Variants in MACROD2 observed in about 807,000 individuals in gnomAD.
The protein encoded by MACROD2 is ADP-ribose glycohydrolase MACROD2.
MACROD2 carries 36 observed loss-of-function variants against 70.4 expected under a neutral mutation model. The ratio of observed to expected loss-of-function variants is 0.51; its 90% CI spans 0.39 to 0.68. The LOEUF (loss-of-function observed/expected upper bound fraction) is 0.68, where lower values mean the gene tolerates loss of function less well. Among genes scored for constraint, MACROD2 ranks in the 30% least tolerant of loss-of-function variants. The pLI is 0.00. For missense variants in MACROD2, 496 were observed against 538.4 expected, an observed-to-expected ratio of 0.92 and a Z score of 0.78; for synonymous variants, 172 against 178.8, an observed-to-expected ratio of 0.96 and a Z score of 0.30.
chr20:14,015,429 C>A (rs778732491), intron 2 of MACROD2, among the ~76,000 whole-genome samples: 1 of 151,688 alleles, frequency 6.6e-6, no homozygotes, highest in Admixed American at 6.6e-5. Context: ...AATGAACATT[C>A]AAAAAAAACT....
intron 5 of MACROD2, among the ~76,000 whole-genome samples, chr20:15,021,264 G>GTGTGTATACACACACC (rs1568535071): frequency 0.035 from 276 of 7,912 alleles, 50 homozygotes; most frequent in African/African-American, 0.068. Flanking sequence ...ACACACACCT[G>GTGTGTATACACACACC]TGTGTGTGTA....
intron 5 of MACROD2, among the ~76,000 whole-genome samples, chr20:14,937,487 C>A (rs1386026732): frequency 2.0e-5 from 3 of 152,068 alleles, no homozygotes; most frequent in Admixed American, 6.5e-5. Context: ...TATCTTATCA[C>A]AAAATGCTCA....
chr20:15,146,843 A>G (rs993016095), intron 5 of MACROD2, among the ~76,000 whole-genome samples: 20 of 152,172 alleles, frequency 1.3e-4, no homozygotes, highest in Non-Finnish European at 2.5e-4. Context: ...GTCTTTGAGA[A>G]GACAAGCAAA....
At chr20:14,321,831 G>T (rs2122550147) in intron 3 of MACROD2, among the ~76,000 whole-genome samples, 1 of 152,238 alleles carries the variant, frequency 6.6e-6, no homozygotes, top group Non-Finnish European at 1.5e-5. Flanking sequence ...CTGTAAGATA[G>T]AGCACAGTGT....
At chr20:14,555,201 A>G (rs1453852079) in intron 4 of MACROD2, among the ~76,000 whole-genome samples, 2 of 152,132 alleles carry the variant, frequency 1.3e-5, no homozygotes, top group Non-Finnish European at 2.9e-5. Context: ...TACATTGCAT[A>G]TGCCCGTATC....
At chr20:15,855,495 G>A (rs1289813821) in intron 8 of MACROD2, among the ~76,000 whole-genome samples, 1 of 152,134 alleles carries the variant, frequency 6.6e-6, no homozygotes, top group East Asian at 1.9e-4. Flanking sequence ...TGTTGACCAA[G>A]AGAGCTGTAA....
chr20:14,942,989 G>A (rs1328502265), intron 5 of MACROD2, among the ~76,000 whole-genome samples: 2 of 152,138 alleles, frequency 1.3e-5, no homozygotes, highest in African/African-American at 4.8e-5. Flanking sequence ...TTTACCTGCT[G>A]TTTCAAAGGC....
intron 4 of MACROD2, among the ~76,000 whole-genome samples, chr20:14,654,696 G>A (rs1212516328): frequency 6.6e-6 from 1 of 152,150 alleles, no homozygotes; most frequent in African/African-American, 2.4e-5. Flanking sequence ...TGGTCTGGCA[G>A]TTCATCTGAA....
intron 5 of MACROD2, among the ~76,000 whole-genome samples, chr20:14,940,143 C>A (rs903988990): frequency 1.5e-4 from 16 of 105,276 alleles, no homozygotes; most frequent in African/African-American, 4.9e-4. Flanking sequence ...AAACCCTCAT[C>A]TCTGCAAAAA....
intron 6 of MACROD2, among the ~76,000 whole-genome samples, chr20:15,294,277 TC>T (rs2077567142): frequency 1.3e-5 from 2 of 152,132 alleles, no homozygotes; most frequent in Non-Finnish European, 2.9e-5. Context: ...CCAGGTGACC[TC>T]TTTCCCACCT....
chr20:14,137,559 G>A (rs373460351), intron 3 of MACROD2, among the ~76,000 whole-genome samples: 1 of 152,088 alleles, frequency 6.6e-6, no homozygotes, highest in Non-Finnish European at 1.5e-5. Flanking sequence ...AAATGATGTC[G>A]TGAAAACTTC....
chr20:15,230,191 C>A, intron 6 of MACROD2, 130 bp downstream of exon 6: 4 of 766,900 alleles, frequency 5.2e-6, no homozygotes, highest in South Asian at 3.0e-5. Flanking sequence ...TCTTAGTAGC[C>A]GATTTGGTTA....
At chr20:15,241,446 G>T (rs546023374) in intron 6 of MACROD2, among the ~76,000 whole-genome samples, 10 of 152,066 alleles carry the variant, frequency 6.6e-5, no homozygotes, top group Non-Finnish European at 1.2e-4. Context: ...TTATTTTTGT[G>T]ATTTCTGAAT....
At chr20:14,237,940 A>G (rs8119058) in intron 3 of MACROD2, among the ~76,000 whole-genome samples, 25,754 of 151,684 alleles carry the variant, frequency 0.17, 3,212 homozygotes, top group African/African-American at 0.35. Context: ...AATCCAGTCT[A>G]TCATTGTTGG....
intron 8 of MACROD2, among the ~76,000 whole-genome samples, chr20:15,848,368 G>T (rs190942083): frequency 0.036 from 5,403 of 151,584 alleles, 192 homozygotes; most frequent in East Asian, 0.13. Flanking sequence ...CCAGGGGGAG[G>T]GGGGGGTCAT....
chr20:14,619,428 A>AGAATG (rs1983678668), intron 4 of MACROD2, among the ~76,000 whole-genome samples: 1 of 3,072 alleles, frequency 3.3e-4, no homozygotes, highest in Non-Finnish European at 7.1e-4. Context: ...GAGGGAAGGA[A>AGAATG]GGAAGGGAGG....
intron 5 of MACROD2, among the ~76,000 whole-genome samples, chr20:14,999,330 C>G (rs1339044401): frequency 6.6e-6 from 1 of 152,144 alleles, no homozygotes; most frequent in East Asian, 1.9e-4. Context: ...AAAGTAATAA[C>G]AAGAACAACT....
intron 3 of MACROD2, among the ~76,000 whole-genome samples, chr20:14,094,083 A>G (rs1320371975): frequency 2.0e-5 from 3 of 151,964 alleles, no homozygotes; most frequent in Non-Finnish European, 2.9e-5. Flanking sequence ...CTGCAGTGTG[A>G]AGGATAAATT....
At chr20:15,206,480 C>T (rs890278563) in intron 5 of MACROD2, among the ~76,000 whole-genome samples, 1 of 151,944 alleles carries the variant, frequency 6.6e-6, no homozygotes, top group Non-Finnish European at 1.5e-5. Context: ...GTTTTGATTA[C>T]GTACATACAT....
Sources: gnomAD v4.1 joint callset for allele counts (sites outside exome capture counted in the v4.1 genomes callset) on GRCh38, gnomAD v4.1.1 for gene constraint, MANE v1.5 for transcripts, NCBI Gene and HGNC (gene_info 2026-07-23, HGNC 2026-07-21) for gene names.